The following TRAM1 variants were observed in gnomAD, a reference collection of about 807,000 sequenced individuals.
TRAM1 encodes translocating chain-associated membrane protein 1.
A neutral mutation model predicts 48.7 loss-of-function variants in TRAM1; 17 were observed. The observed-to-expected ratio is 0.35, with a 90% confidence interval of 0.24 to 0.52. The LOEUF (loss-of-function observed/expected upper bound fraction) is 0.52, where lower values mean the gene tolerates loss of function less well. Among genes scored for constraint, TRAM1 ranks in the 20% least tolerant of loss-of-function variants. The pLI is 0.94. For synonymous variants in TRAM1, 182 were observed against 154.0 expected, an observed-to-expected ratio of 1.18 and a Z score of -1.34; for missense variants, 351 against 441.5, an observed-to-expected ratio of 0.79 and a Z score of 1.84.
chr8:70,592,181 T>C (rs80072529), intron 6 of TRAM1, among the ~76,000 whole-genome samples: 3,025 of 152,314 alleles, frequency 0.02, 89 homozygotes, highest in African/African-American at 0.07. Context: ...TTTTGAATCT[T>C]CTCATGGGCA....
intron 6 of TRAM1, 89 bp from the exon 7 acceptor site, chr8:70,587,265 T>C: frequency 7.3e-7 from 1 of 1,367,422 alleles, no homozygotes; most frequent in Non-Finnish European, 1.0e-6. Flanking sequence ...GTTGCCCAGG[T>C]TGGTCTCAAA....
At chr8:70,603,694 G>T (rs192091141) in intron 1 of TRAM1, among the ~76,000 whole-genome samples, 407 of 152,310 alleles carry the variant, frequency 2.7e-3, no homozygotes, top group Non-Finnish European at 3.6e-3. Context: ...TCTAGCCTGG[G>T]TGACAGAGTG....
intron 6 of TRAM1, among the ~76,000 whole-genome samples, chr8:70,591,244 C>A (rs1288276380): frequency 6.6e-6 from 1 of 152,184 alleles, no homozygotes; most frequent in Non-Finnish European, 1.5e-5. Context: ...GTAGCCAGGA[C>A]TACAGGTGTG....
At chr8:70,575,069 A>G in intron 10 of TRAM1, 64 bp from the exon 11 acceptor site, 7 of 1,168,438 alleles carry the variant, frequency 6.0e-6, no homozygotes, top group Non-Finnish European at 8.5e-6. Flanking sequence ...TAATCTTTAT[A>G]TGTAAAGATA....
Position 70,573,704 on chromosome 8 carries a change from G to A in TRAM1, c.*1228C>T, listed in dbSNP as rs1816871210. On this transcript the variant is annotated 3_prime_UTR_variant, in exon 11 of 11. Coordinates refer to ENST00000262213, the MANE Select transcript of TRAM1 (RefSeq NM_014294.6). ...AGCTGGTGACACAAGTGAGAAATGG[G>A]GAACAAGATGTGAACACTGAAAAGA... The A allele has an allele frequency of 6.6e-6, 1 of 152,364 alleles. No individual in the cohort carries two copies. Among genetic ancestry groups the A allele is most frequent in the African/African-American group, 2.4e-5 (1 of 41,368 alleles). The allele number at this position is 152,364 out of a possible 1,614,324, so 9.4% of individuals were successfully genotyped here. A position where few individuals can be genotyped will look rare whatever the true frequency, so the allele number is the denominator to read the frequency against.
intron 10 of TRAM1, among the ~76,000 whole-genome samples, chr8:70,575,431 T>C (rs538150547): frequency 3.0e-4 from 45 of 152,266 alleles, no homozygotes; most frequent in Middle Eastern, 3.4e-3. Flanking sequence ...TATGTTACTG[T>C]TGTTTTTTGA....
chr8:70,581,774 C>A (rs753820901), intron 10 of TRAM1, among the ~76,000 whole-genome samples: 26 of 152,182 alleles, frequency 1.7e-4, no homozygotes, highest in Non-Finnish European at 3.7e-4. Flanking sequence ...AGGTTCCATA[C>A]AATGGAATAT....
chr8:70,604,757 C>CTTTCCTTTTGAATATA (rs1268735996), intron 1 of TRAM1, among the ~76,000 whole-genome samples: 1 of 152,062 alleles, frequency 6.6e-6, no homozygotes, highest in African/African-American at 2.4e-5. Context: ...TTTTGAATAT[C>CTTTCCTTTTGAATATA]TTTCCTTTTG....
chr8:70,590,709 A>T (rs1364748462), intron 6 of TRAM1, among the ~76,000 whole-genome samples: 1 of 152,250 alleles, frequency 6.6e-6, no homozygotes, highest in African/African-American at 2.4e-5. Context: ...AATAGAGGGT[A>T]AAATGCCATC....
chr8:70,594,863 G>A (rs1817453420), intron 5 of TRAM1, among the ~76,000 whole-genome samples: 1 of 152,112 alleles, frequency 6.6e-6, no homozygotes, highest in South Asian at 2.1e-4. Context: ...AGGAGTCAGA[G>A]CCCCTATTAG....
intron 10 of TRAM1, 48 bp downstream of exon 10, chr8:70,583,116 A>T (rs1268367768): frequency 1.3e-6 from 2 of 1,565,550 alleles, no homozygotes; most frequent in Admixed American, 2.0e-5. Context: ...CAAATTTTTT[A>T]AAAGTTTTCT....
intron 1 of TRAM1, chr8:70,606,746 A>G: frequency 3.5e-6 from 1 of 283,820 alleles, no homozygotes; most frequent in Middle Eastern, 1.7e-3. Flanking sequence ...CACAATCAGG[A>G]GTAAATAATA....
At chr8:70,590,302 C>G (rs1203462908) in intron 6 of TRAM1, among the ~76,000 whole-genome samples, 1 of 151,826 alleles carries the variant, frequency 6.6e-6, no homozygotes, top group Non-Finnish European at 1.5e-5. Flanking sequence ...TCTTCTCTGA[C>G]AAGACTAAAA....
intron 10 of TRAM1, among the ~76,000 whole-genome samples, chr8:70,582,768 A>C (rs1700783025): frequency 6.6e-6 from 1 of 152,214 alleles, no homozygotes; most frequent in African/African-American, 2.4e-5. Context: ...GTTATAAAAA[A>C]AAAGCTATTC....
At chr8:70,576,719 G>A (rs1445354711) in intron 10 of TRAM1, among the ~76,000 whole-genome samples, 1 of 152,218 alleles carries the variant, frequency 6.6e-6, no homozygotes, top group Non-Finnish European at 1.5e-5. Context: ...TGGCTGTAGT[G>A]TGAGAGGTGC....
chr8:70,594,757 T>A (rs970484958), intron 5 of TRAM1, among the ~76,000 whole-genome samples, 167 bp from the exon 6 acceptor site: 2 of 152,142 alleles, frequency 1.3e-5, no homozygotes, highest in African/African-American at 2.4e-5. Context: ...TTTCCCCATC[T>A]CCCTGTGACA....
chr8:70,591,772 TATTA>T (rs1252794427), intron 6 of TRAM1, among the ~76,000 whole-genome samples: 1 of 152,186 alleles, frequency 6.6e-6, no homozygotes, highest in African/African-American at 2.4e-5. Context: ...TAGAGCTCTG[TATTA>T]ATTATCTTGA....
chr8:70,590,559 TGC>T (rs1817330762), intron 6 of TRAM1, among the ~76,000 whole-genome samples: 3 of 152,204 alleles, frequency 2.0e-5, no homozygotes, highest in African/African-American at 7.2e-5. Context: ...TATTCACAGG[TGC>T]AATTATGCTG....
intron 1 of TRAM1, chr8:70,607,473 G>A (rs1264266707): frequency 1.0e-6 from 1 of 985,368 alleles, no homozygotes; most frequent in Non-Finnish European, 1.2e-6. Flanking sequence ...GGTGCCCGGC[G>A]GCCACCGCCC....
Sources: gnomAD v4.1 joint callset for allele counts (sites outside exome capture counted in the v4.1 genomes callset) on GRCh38, gnomAD v4.1.1 for gene constraint, MANE v1.5 for transcripts, NCBI Gene and HGNC (gene_info 2026-07-23, HGNC 2026-07-21) for gene names.